The following RUNX1T1 variants were observed in gnomAD, a reference collection of about 807,000 sequenced individuals.
RUNX1T1 encodes RUNX1 partner transcriptional co-repressor 1.
In RUNX1T1, 4 loss-of-function variants were observed where a neutral mutation model predicts 62.8. That is an observed-to-expected ratio of 0.06 (90% CI 0.03 to 0.15). The LOEUF (loss-of-function observed/expected upper bound fraction) is 0.15, where lower values mean the gene tolerates loss of function less well. RUNX1T1 is among the 10% of genes least tolerant of loss of function. The pLI is 1.00. For synonymous variants in RUNX1T1, 291 were observed against 286.0 expected, an observed-to-expected ratio of 1.02 and a Z score of -0.18; for missense variants, 508 against 754.3, an observed-to-expected ratio of 0.67 and a Z score of 3.82.
chr8:92,088,495 T>C (rs907057188), intron 1 of RUNX1T1, among the ~76,000 whole-genome samples: 4 of 152,218 alleles, frequency 2.6e-5, no homozygotes, highest in African/African-American at 9.6e-5. Flanking sequence ...TAATTTCTGA[T>C]ACTCCACTTG....
At chr8:92,089,995 A>G (rs1836738162) in intron 1 of RUNX1T1, among the ~76,000 whole-genome samples, 1 of 148,730 alleles carries the variant, frequency 6.7e-6, no homozygotes, top group African/African-American at 2.5e-5. Context: ...CCCAAAGCCT[A>G]CTTTCAGTAT....
chr8:91,962,642 A>G (rs1247564473), intron 10 of RUNX1T1, among the ~76,000 whole-genome samples: 2 of 152,266 alleles, frequency 1.3e-5, no homozygotes, highest in African/African-American at 4.8e-5. Flanking sequence ...GCTGTGAGGT[A>G]TAATACTCAG....
At chr8:91,994,670 C>A in intron 5 of RUNX1T1, 1 of 486,518 alleles carries the variant, frequency 2.1e-6, no homozygotes, top group South Asian at 1.6e-5. Flanking sequence ...TCAAACTGTG[C>A]CACCTGAGGT....
intron 1 of RUNX1T1, among the ~76,000 whole-genome samples, chr8:92,079,972 A>G (rs905994647): frequency 3.3e-5 from 5 of 151,968 alleles, no homozygotes; most frequent in Non-Finnish European, 5.9e-5. Context: ...AAGTCTCACT[A>G]CCATGTCCCC....
chr8:91,969,425 G>A (rs533673900), intron 10 of RUNX1T1, among the ~76,000 whole-genome samples: 33 of 152,274 alleles, frequency 2.2e-4, no homozygotes, highest in Admixed American at 1.3e-3. Flanking sequence ...TGTGCCTCAC[G>A]ATATTGCTCA....
At chr8:91,974,986 T>A (rs533753047) in intron 9 of RUNX1T1, among the ~76,000 whole-genome samples, 1 of 152,274 alleles carries the variant, frequency 6.6e-6, no homozygotes, top group East Asian at 1.9e-4. Context: ...AAACAAAAAA[T>A]CTGTCCCCTG....
intron 9 of RUNX1T1, among the ~76,000 whole-genome samples, chr8:91,972,190 C>T (rs530876624): frequency 6.6e-6 from 1 of 152,024 alleles, no homozygotes; most frequent in Non-Finnish European, 1.5e-5. Flanking sequence ...GTAAGAGATG[C>T]AAGTACTCCT....
chr8:91,973,778 A>G (rs942573720), intron 9 of RUNX1T1, among the ~76,000 whole-genome samples: 9 of 152,070 alleles, frequency 5.9e-5, no homozygotes, highest in Admixed American at 2.0e-4. Context: ...CTATAAAGAT[A>G]AATATTATAA....
chr8:92,069,815 T>C (rs16914736), intron 2 of RUNX1T1, among the ~76,000 whole-genome samples: 40,605 of 152,134 alleles, frequency 0.27, 6,433 homozygotes, highest in African/African-American at 0.44. Flanking sequence ...ATGGAAATTT[T>C]TACTCTTACT....
At chr8:92,012,760 A>AC (rs1822213879) in intron 3 of RUNX1T1, among the ~76,000 whole-genome samples, 1 of 151,850 alleles carries the variant, frequency 6.6e-6, no homozygotes, top group Admixed American at 6.6e-5. Flanking sequence ...CTCAAAAAAA[A>AC]AAAAAATCAC....
intron 1 of RUNX1T1, chr8:92,095,652 G>T: frequency 8.4e-7 from 1 of 1,196,796 alleles, no homozygotes; most frequent in Non-Finnish European, 1.1e-6. Flanking sequence ...ACAGGCAGGA[G>T]GGAAGGAGAG....
chr8:92,099,858 T>C (rs932286455), upstream of RUNX1T1, among the ~76,000 whole-genome samples: 1 of 152,190 alleles, frequency 6.6e-6, no homozygotes, highest in African/African-American at 2.4e-5. Context: ...TTTAAAGAAA[T>C]GCAAGATTTT....
At chr8:92,026,473 T>C (rs748931484) in intron 1 of RUNX1T1, among the ~76,000 whole-genome samples, 10 of 152,246 alleles carry the variant, frequency 6.6e-5, no homozygotes, top group Admixed American at 1.3e-4. Flanking sequence ...TCTGGAAAAC[T>C]GGGATATGAA....
At chr8:92,013,923 T>C (rs1464331459) in intron 3 of RUNX1T1, among the ~76,000 whole-genome samples, 1 of 152,072 alleles carries the variant, frequency 6.6e-6, no homozygotes, top group Admixed American at 6.6e-5. Flanking sequence ...CGGATTGAGG[T>C]GATGAAAAAG....
intron 1 of RUNX1T1, among the ~76,000 whole-genome samples, chr8:92,093,979 A>C (rs1362593968): frequency 1.3e-5 from 2 of 152,226 alleles, no homozygotes; most frequent in Non-Finnish European, 2.9e-5. Flanking sequence ...CCTTTCTGAA[A>C]GATTCCAGGC....
chr8:92,016,490 C>G (rs1823027360), intron 2 of RUNX1T1, among the ~76,000 whole-genome samples: 1 of 152,170 alleles, frequency 6.6e-6, no homozygotes, highest in African/African-American at 2.4e-5. Flanking sequence ...GCCTGACCAA[C>G]ATGGTGAAAC....
rs1034151652 is a variant in RUNX1T1 at position 92,045,408 on chromosome 8, A to C, written c.7+17138T>G. ...AACTGTAGGCAAGATGGATCCTACT[A>C]TTGTAAGAGTCTCCAATTCAACCTA... On this transcript the variant is annotated intron_variant, in intron 1 of 10. Coordinates refer to ENST00000396218, the Ensembl canonical transcript of RUNX1T1. Among the ~76,000 whole-genome samples, 16 of 152,274 alleles carry C rather than the reference A, an allele frequency of 1.1e-4. 1 individual carries two copies. The highest frequency in any genetic ancestry group is 9.8e-4 in the Admixed American group (15 of 15,300).
intron 2 of RUNX1T1, among the ~76,000 whole-genome samples, chr8:92,070,902 T>C (rs1833574003): frequency 6.6e-6 from 1 of 152,212 alleles, no homozygotes; most frequent in Admixed American, 6.5e-5. Context: ...CCCCTGCCTT[T>C]GCAGGAAACA....
At chr8:92,101,123 T>G (rs1402739906), upstream of RUNX1T1, among the ~76,000 whole-genome samples, 1 of 151,978 alleles carries the variant, frequency 6.6e-6, no homozygotes, top group Non-Finnish European at 1.5e-5. Context: ...AGCTACTGAG[T>G]GCACTTAAAA....
Sources: gnomAD v4.1 joint callset for allele counts (sites outside exome capture counted in the v4.1 genomes callset) on GRCh38, gnomAD v4.1.1 for gene constraint, MANE v1.5 for transcripts, NCBI Gene and HGNC (gene_info 2026-07-23, HGNC 2026-07-21) for gene names.